Variants in STK3 observed in about 807,000 individuals in gnomAD.
STK3 encodes the protein serine/threonine-protein kinase 3.
A neutral mutation model predicts 58.0 loss-of-function variants in STK3; 41 were observed. The observed-to-expected ratio is 0.71, with a 90% CI of 0.55 to 0.92. The LOEUF (loss-of-function observed/expected upper bound fraction) is 0.92. Ranked by LOEUF, STK3 falls within the 40% of genes least tolerant of loss-of-function variation. The pLI is 0.00. For missense variants in STK3, 479 were observed against 602.7 expected (o/e 0.79, Z 2.15); for synonymous variants, 170 against 191.0 (o/e 0.89, Z 0.91).
chr8:98,589,410 G>A lies in STK3; in HGVS notation c.822+6622C>T, dbSNP rs572768368. Among the ~76,000 whole-genome samples, 114 of 152,340 alleles carry A rather than the reference G, an allele frequency of 7.5e-4. 1 individual carries two copies. Among genetic ancestry groups the A allele is most frequent in the African/African-American group, 2.7e-3 (112 of 41,580 alleles). On this transcript the variant is annotated intron_variant, in intron 7 of 10. Coordinates refer to ENST00000419617, the MANE Select transcript of STK3 (RefSeq NM_006281.4). ...AGGGTGCCTCCCAGTTAGGCTGCCC[G>A]GGGGTCAGGGGTCATGCACCCACTT...
chr8:98,357,912 C>T, the STK3 span, among the ~76,000 whole-genome samples: 5 of 152,180 alleles, frequency 3.3e-5, no homozygotes, highest in Non-Finnish European at 7.3e-5. Flanking sequence ...GTCAGATGTA[C>T]AAGCATCTGG....
At chr8:98,774,645 A>G in intron 2 of STK3, 94 bp downstream of exon 2, 1 of 853,238 alleles carries the variant, frequency 1.2e-6, no homozygotes, top group Non-Finnish European at 1.8e-6. Context: ...TATTCAATTC[A>G]TACGAATATA....
intron 6 of STK3, among the ~76,000 whole-genome samples, chr8:98,687,036 A>C (rs1487795742): frequency 1.3e-5 from 2 of 152,216 alleles, no homozygotes; most frequent in African/African-American, 4.8e-5. Context: ...AAAATTCCAC[A>C]ATCTTGCTAG....
intron 1 of STK3, among the ~76,000 whole-genome samples, chr8:98,920,502 G>A (rs1177562714): frequency 5.3e-5 from 8 of 152,354 alleles, no homozygotes; most frequent in Admixed American, 5.2e-4. Context: ...CCTTTTAACA[G>A]CTGCCAAAAG....
At chr8:98,476,554 C>T (rs1213234202) in intron 10 of STK3, among the ~76,000 whole-genome samples, 1 of 152,164 alleles carries the variant, frequency 6.6e-6, no homozygotes, top group African/African-American at 2.4e-5. Context: ...ACCAATGTTG[C>T]TTCCCCACCC....
chr8:98,828,984 T>G (rs545595179), upstream of STK3, among the ~76,000 whole-genome samples: 2 of 152,336 alleles, frequency 1.3e-5, no homozygotes, highest in South Asian at 4.1e-4. Flanking sequence ...GTCCTGCAGA[T>G]TCATTCTCCA....
intron 1 of STK3, among the ~76,000 whole-genome samples, chr8:98,382,845 G>A (rs1027914145): frequency 3.3e-5 from 5 of 152,194 alleles, no homozygotes; most frequent in Non-Finnish European, 5.9e-5. Context: ...AGAGGCGGCC[G>A]GCTGGGGTGG....
At chr8:98,654,684 C>A (rs1349274085) in intron 6 of STK3, among the ~76,000 whole-genome samples, 1 of 152,060 alleles carries the variant, frequency 6.6e-6, no homozygotes, top group Non-Finnish European at 1.5e-5. Flanking sequence ...TTCTTATACA[C>A]CAATAACAGA....
chr8:98,754,068 T>C (rs964801192), intron 3 of STK3, among the ~76,000 whole-genome samples: 1 of 152,228 alleles, frequency 6.6e-6, no homozygotes, highest in Non-Finnish European at 1.5e-5. Context: ...GAGTCTACCT[T>C]GTTACCCGTA....
chr8:98,539,854 A>T (rs1810090700), intron 9 of STK3, among the ~76,000 whole-genome samples: 8 of 152,048 alleles, frequency 5.3e-5, no homozygotes, highest in Admixed American at 5.2e-4. Flanking sequence ...CCTGGGTTCC[A>T]GCGATTCTCC....
At chr8:98,559,831 TTTG>T (rs1319591807) in intron 8 of STK3, among the ~76,000 whole-genome samples, 1 of 152,104 alleles carries the variant, frequency 6.6e-6, no homozygotes, top group Non-Finnish European at 1.5e-5. Flanking sequence ...TTGTAAATAA[TTTG>T]TTGTTTTTTC....
At chr8:98,677,400 C>T (rs1823307774) in intron 6 of STK3, among the ~76,000 whole-genome samples, 1 of 128,906 alleles carries the variant, frequency 7.8e-6, no homozygotes, top group Non-Finnish European at 1.6e-5. Flanking sequence ...ATTTCTGGAT[C>T]CCCCAGGAAT....
At chr8:98,361,089 T>C in the STK3 span, among the ~76,000 whole-genome samples, 2 of 152,200 alleles carry the variant, frequency 1.3e-5, no homozygotes, top group Non-Finnish European at 1.5e-5. Flanking sequence ...CCCTGCAGAA[T>C]GTATAAACTA....
chr8:98,820,360 T>C lies in STK3; in HGVS notation c.26+5155A>G, dbSNP rs185956116. On this transcript the variant is annotated intron_variant, in intron 1 of 10. Coordinates refer to ENST00000419617, the MANE Select transcript of STK3 (RefSeq NM_006281.4). ...TTCTTTTACTATCCTTTTAGTGTTT[T>C]CATTGTTCAATGCTAACCTGCCCTC... 2.4e-4 allele frequency among the ~76,000 whole-genome samples: 37 copies of C among 152,314 alleles called. No homozygotes were observed. In the East Asian group the frequency reaches 6.0e-3, roughly 25 times the overall value.
intron 10 of STK3, among the ~76,000 whole-genome samples, chr8:98,485,008 G>A (rs1469525224): frequency 6.6e-6 from 1 of 152,150 alleles, no homozygotes; most frequent in African/African-American, 2.4e-5. Flanking sequence ...GGGAGGCTGA[G>A]GTGGGCCGAT....
At chr8:98,535,168 AAACT>A (rs1809651529) in intron 9 of STK3, among the ~76,000 whole-genome samples, 1 of 152,204 alleles carries the variant, frequency 6.6e-6, no homozygotes, top group African/African-American at 2.4e-5. Flanking sequence ...GTTTCTTTAG[AAACT>A]AACTGCTGGA....
intron 3 of STK3, among the ~76,000 whole-genome samples, chr8:98,834,680 A>G (rs754152203): frequency 3.3e-5 from 5 of 152,360 alleles, no homozygotes; most frequent in Non-Finnish European, 7.3e-5. Context: ...CAGCTTCCTC[A>G]GACCTCTTTT....
intron 6 of STK3, among the ~76,000 whole-genome samples, chr8:98,656,277 T>C (rs188225494): frequency 0.04 from 6,149 of 151,952 alleles, 163 homozygotes; most frequent in Non-Finnish European, 0.058. Context: ...TAGGTGGGAA[T>C]TGAACAATGA....
At chr8:98,493,062 T>G (rs1822832493) in intron 10 of STK3, among the ~76,000 whole-genome samples, 1 of 151,056 alleles carries the variant, frequency 6.6e-6, no homozygotes, top group African/African-American at 2.4e-5. Context: ...GAGACCCAAC[T>G]CTACATTTTT....
Sources: gnomAD v4.1 joint callset for allele counts (sites outside exome capture counted in the v4.1 genomes callset) on GRCh38, gnomAD v4.1.1 for gene constraint, MANE v1.5 for transcripts, NCBI Gene and HGNC (gene_info 2026-07-23, HGNC 2026-07-21) for gene names.